HCN2: variants seen among roughly 807,000 people sequenced by gnomAD.
HCN2 encodes the protein hyperpolarization activated cyclic nucleotide gated potassium and sodium channel 2.
In HCN2, 20 loss-of-function variants were observed where a neutral mutation model predicts 52.3. The ratio of observed to expected loss-of-function variants is 0.38; its 90% CI spans 0.27 to 0.56. HCN2 has a LOEUF of 0.56. Ranked by LOEUF, HCN2 falls within the 20% of genes least tolerant of loss-of-function variation. The probability of loss-of-function intolerance (pLI) is 0.71; values close to 1 mark genes in which losing one functional copy is unlikely to be tolerated. For missense variants in HCN2, 981 were observed against 1,207.7 expected (o/e 0.81, Z 2.78); for synonymous variants, 694 against 537.0 (o/e 1.29, Z -4.04).
rs1421910983 is a variant in HCN2, at chr19:616,292, G to A, written c.2488G>A (p.Gly830Ser). ...CGCCTCGCAGCCCTCGCTGCCTCAC[G>A]GCGCCCCCGGCCCCGCGGCCTCCAC... ...LSASQPSLPH[G>S]APGPAASTRP... Residue 830 changes from glycine (G) to serine (S), a missense_variant, in exon 8 of 8, where the codon GGC (glycine) becomes AGC (serine). Gly to Ser is a moderately conservative substitution (Grantham distance 56). This residue lies in a region of HCN2 where 368 missense variants were observed against 314.8 expected (regional missense o/e 1.17). Coordinates refer to ENST00000251287, the MANE Select transcript of HCN2 (RefSeq NM_001194.4). 4.6e-6 allele frequency: 5 copies of A among 1,080,494 alleles called. No individual in the cohort carries two copies. The African/African-American group carries it at 5.1e-5, about 11-fold the overall frequency. 66.9% of individuals were successfully genotyped at this position (1,080,494 alleles called of 1,614,324 possible). A position where few individuals can be genotyped will look rare whatever the true frequency, so the allele number is the denominator to read the frequency against.
intron 1 of HCN2, among the ~76,000 whole-genome samples, chr19:600,241 C>T (rs964345923): frequency 1.4e-4 from 21 of 152,158 alleles, no homozygotes; most frequent in Non-Finnish European, 2.8e-4. Context: ...GGCACGATCT[C>T]GGCTCACTGC....
chr19:610,980 T>C (rs10422975), intron 5 of HCN2, among the ~76,000 whole-genome samples: 143,579 of 152,248 alleles, frequency 0.94, 67,834 homozygotes, highest in African/African-American at 0.99. Context: ...CAGGCGCCCT[T>C]GGCTTGCAGA....
intron 3 of HCN2, among the ~76,000 whole-genome samples, chr19:606,225 C>G (rs1362241769): frequency 6.6e-6 from 1 of 152,080 alleles, no homozygotes; most frequent in African/African-American, 2.4e-5. Flanking sequence ...CTCAGCCTCC[C>G]GAGTAGCTGG....
At chr19:614,896 C>A (rs915774595) in intron 7 of HCN2, among the ~76,000 whole-genome samples, 1 of 151,986 alleles carries the variant, frequency 6.6e-6, no homozygotes, top group East Asian at 1.9e-4. Flanking sequence ...TGCTGCTGTT[C>A]GTGGGAATGG....
intron 1 of HCN2, among the ~76,000 whole-genome samples, chr19:602,709 T>A (rs1376931629): frequency 6.6e-6 from 1 of 152,230 alleles, no homozygotes. Flanking sequence ...AACGCCAACC[T>A]TGTGCCAGGC....
chr19:604,968 G>A, intron 2 of HCN2, 93 bp from the exon 3 acceptor site: 3 of 1,372,968 alleles, frequency 2.2e-6, no homozygotes, highest in Non-Finnish European at 3.0e-6. Context: ...GAGGGGGCCA[G>A]GAGCTCCCGC....
At chr19:614,431 A>C (rs903084416) in intron 7 of HCN2, among the ~76,000 whole-genome samples, 14 of 152,148 alleles carry the variant, frequency 9.2e-5, no homozygotes, top group Admixed American at 5.2e-4. Flanking sequence ...CTGGTGATGA[A>C]ATCACACACG....
chr19:595,152 T>C (rs1006911049), intron 1 of HCN2, among the ~76,000 whole-genome samples: 1 of 152,032 alleles, frequency 6.6e-6, no homozygotes, highest in African/African-American at 2.4e-5. Context: ...CAGTGAGCTA[T>C]GATCGTGCCA....
In HCN2 at chr19:616,291, C is replaced by G. The variant is rs1385554594; in HGVS notation, c.2487C>G (p.His829Gln). The G allele has an allele frequency of 9.3e-7, 1 of 1,078,736 alleles. No individual in the cohort carries two copies. 66.8% of individuals were successfully genotyped at this position (1,078,736 alleles called of 1,614,324 possible). Residue 829 changes from histidine to glutamine, a missense_variant, in exon 8 of 8, where the codon CAC (histidine) becomes CAG (glutamine). His to Gln is a conservative substitution (Grantham distance 24). This residue lies in a region of HCN2 where 368 missense variants were observed against 314.8 expected (regional missense o/e 1.17). Coordinates refer to ENST00000251287, the MANE Select transcript of HCN2 (RefSeq NM_001194.4). ...PLSASQPSLP[H>Q]GAPGPAASTR... ...CCGCCTCGCAGCCCTCGCTGCCTCA[C>G]GGCGCCCCCGGCCCCGCGGCCTCCA...
chr19:611,568 C>T (rs540738256), intron 5 of HCN2, among the ~76,000 whole-genome samples: 7 of 152,312 alleles, frequency 4.6e-5, no homozygotes, highest in East Asian at 1.9e-4. Context: ...GCACACACTG[C>T]GGTTCGCTTC....
intron 1 of HCN2, among the ~76,000 whole-genome samples, chr19:600,115 G>A (rs1983157641): frequency 6.6e-6 from 1 of 152,128 alleles, no homozygotes; most frequent in East Asian, 1.9e-4. Flanking sequence ...TCAGACCCCA[G>A]TCTGGAACCT....
At chr19:596,374 G>A (rs1046951226) in intron 1 of HCN2, among the ~76,000 whole-genome samples, 2 of 152,146 alleles carry the variant, frequency 1.3e-5, no homozygotes, top group Non-Finnish European at 2.9e-5. Context: ...GAGGGGGTCC[G>A]AGGCTTCTTC....
intron 1 of HCN2, among the ~76,000 whole-genome samples, chr19:600,678 A>T (rs1481983753): frequency 6.6e-6 from 1 of 151,866 alleles, no homozygotes; most frequent in Admixed American, 6.6e-5. Flanking sequence ...ACGGGGTTTC[A>T]CCATATTGGC....
intron 3 of HCN2, among the ~76,000 whole-genome samples, chr19:605,855 C>A (rs1287731430): frequency 6.6e-6 from 1 of 151,730 alleles, no homozygotes; most frequent in Admixed American, 6.6e-5. Flanking sequence ...GGGGTGGGGA[C>A]AAGACCCCCT....
rs1312772379 is a variant in HCN2, at chr19:601,268, G to C, written c.633-2276G>C. Among the ~76,000 whole-genome samples, 3 of 152,162 alleles carry C rather than the reference G, an allele frequency of 2.0e-5. No homozygotes were observed. In the East Asian group the frequency reaches 5.8e-4, roughly 29 times the overall value. On this transcript the variant is annotated intron_variant, in intron 1 of 7. Coordinates refer to ENST00000251287, the MANE Select transcript of HCN2 (RefSeq NM_001194.4). The stretch of plus-strand genomic sequence containing the variant: ...GCGGAGGTGGCAGTGAGCCGAGATG[G>C]TGCCACTGCACTCCAGCCTGGGCGA...
rs79969291 is a variant in HCN2, at chr19:593,484, G to A, written c.632+2907G>A. 1.6e-3 allele frequency among the ~76,000 whole-genome samples: 243 copies of A among 152,294 alleles called. 1 individual carries two copies. Among genetic ancestry groups the A allele is most frequent in the African/African-American group, 4.0e-3 (167 of 41,532 alleles). On this transcript the variant is annotated intron_variant, in intron 1 of 7. Transcript: ENST00000251287. ...AAAATGCAAAAATTAGCTGGGCATC[G>A]TGACGAGCGCCTGTAATCCCAGCTA... is the stretch of plus-strand genomic sequence containing the variant.
At chr19:612,996 T>C (rs2144531495) in intron 5 of HCN2, among the ~76,000 whole-genome samples, 1 of 152,308 alleles carries the variant, frequency 6.6e-6, no homozygotes, top group Middle Eastern at 3.4e-3. Context: ...CCACCGCTCT[T>C]GTCTACAGCC....
chr19:602,005 C>T (rs1017802943), intron 1 of HCN2, among the ~76,000 whole-genome samples: 2 of 151,716 alleles, frequency 1.3e-5, no homozygotes, highest in Admixed American at 6.6e-5. Flanking sequence ...CCAAGTCCGG[C>T]TCGGCCGTTC....
At chr19:594,442 G>A (rs1351331705) in intron 1 of HCN2, among the ~76,000 whole-genome samples, 1 of 152,178 alleles carries the variant, frequency 6.6e-6, no homozygotes, top group East Asian at 1.9e-4. Context: ...ATTGTCTTCA[G>A]CTGGGGAGGC....
Sources: allele counts gnomAD v4.1 joint callset (sites outside exome capture counted in the v4.1 genomes callset), GRCh38; gene constraint gnomAD v4.1.1; regional missense constraint gnomAD v4.1.1; transcripts MANE v1.5; gene names NCBI Gene and HGNC (gene_info 2026-07-23, HGNC 2026-07-21).